Variants in KIAA1328 observed in about 807,000 individuals in gnomAD.
KIAA1328 encodes KIAA1328.
Under a neutral mutation model 68.1 loss-of-function variants are expected in KIAA1328, and 52 were observed. The ratio of observed to expected loss-of-function variants is 0.76; its 90% CI spans 0.61 to 0.96. KIAA1328 has a LOEUF of 0.96. Among genes scored for constraint, KIAA1328 ranks in the 40% least tolerant of loss-of-function variants. KIAA1328 has a pLI of 0.00. For synonymous variants in KIAA1328, 232 were observed against 239.4 expected, an observed-to-expected ratio of 0.97 and a Z score of 0.28; for missense variants, 641 against 677.6, an observed-to-expected ratio of 0.95 and a Z score of 0.60.
chr18:37,156,463 G>A (rs1049964733), intron 7 of KIAA1328, among the ~76,000 whole-genome samples: 6 of 147,110 alleles, frequency 4.1e-5, no homozygotes, highest in African/African-American at 1.3e-4. Context: ...GAATGGGAAC[G>A]AGGGCTTTCT....
At chr18:37,076,753 C>T (rs928877384) in intron 7 of KIAA1328, among the ~76,000 whole-genome samples, 10 of 151,944 alleles carry the variant, frequency 6.6e-5, no homozygotes, top group East Asian at 1.9e-4. Context: ...ATAAATTCCT[C>T]GACACATACA....
chr18:37,002,228 CTTTTTTTTTTTT>C (rs145948250), intron 6 of KIAA1328, among the ~76,000 whole-genome samples: 1 of 95,164 alleles, frequency 1.1e-5, no homozygotes, highest in Non-Finnish European at 2.1e-5. Context: ...ATTTTTTTTT[CTTTTTTTTTTTT>C]TTTTTTTTGA....
At chr18:37,158,359 T>G (rs982603738) in intron 7 of KIAA1328, among the ~76,000 whole-genome samples, 1 of 152,148 alleles carries the variant, frequency 6.6e-6, no homozygotes, top group East Asian at 1.9e-4. Flanking sequence ...TGATACCCAT[T>G]TGTGGTTCCT....
intron 3 of KIAA1328, among the ~76,000 whole-genome samples, chr18:36,843,628 A>C (rs527599270): frequency 3.2e-4 from 49 of 152,290 alleles, no homozygotes; most frequent in Non-Finnish European, 6.0e-4. Flanking sequence ...ATGTACCCTT[A>C]AAGTAGAATA....
intron 6 of KIAA1328, among the ~76,000 whole-genome samples, chr18:36,967,257 G>T (rs2051979494): frequency 6.6e-6 from 1 of 152,198 alleles, no homozygotes; most frequent in Non-Finnish European, 1.5e-5. Flanking sequence ...CTTTAAAGAT[G>T]AATGGGGCTC....
intron 4 of KIAA1328, among the ~76,000 whole-genome samples, chr18:36,860,158 GT>G (rs1296355660): frequency 6.6e-6 from 1 of 152,004 alleles, no homozygotes; most frequent in Non-Finnish European, 1.5e-5. Context: ...GATTTTACTA[GT>G]TTGAAAAAAT....
chr18:37,043,099 A>T (rs2055323830), intron 6 of KIAA1328, among the ~76,000 whole-genome samples: 2 of 152,244 alleles, frequency 1.3e-5, no homozygotes, highest in African/African-American at 4.8e-5. Flanking sequence ...GTAAAAAAAA[A>T]TTCTCTCTCT....
intron 4 of KIAA1328, among the ~76,000 whole-genome samples, chr18:36,882,654 C>G (rs935956544): frequency 1.3e-5 from 2 of 152,094 alleles, no homozygotes; most frequent in Non-Finnish European, 2.9e-5. Context: ...AAAGAAAAAG[C>G]CCTGCTTAAT....
intron 5 of KIAA1328, among the ~76,000 whole-genome samples, chr18:36,938,823 C>A (rs528736973): frequency 3.9e-5 from 6 of 152,284 alleles, no homozygotes; most frequent in African/African-American, 1.4e-4. Context: ...ATTCCCAATA[C>A]CATTTATCGA....
At chr18:36,841,303 G>C (rs1451804449) in intron 3 of KIAA1328, among the ~76,000 whole-genome samples, 1 of 151,780 alleles carries the variant, frequency 6.6e-6, no homozygotes, top group East Asian at 2.0e-4. Context: ...GAAGTAATAT[G>C]CACATGTAGT....
rs916714850 is a variant in KIAA1328 at position 36,844,057 on chromosome 18, T to C, written c.238-151T>C. The C allele has an allele frequency of 7.5e-6, 4 of 530,288 alleles. No individual in the cohort carries two copies. In the African/African-American group the frequency reaches 7.9e-5, roughly 10 times the overall value. 32.8% of individuals were successfully genotyped at this position (530,288 alleles called of 1,614,324 possible). The stretch of plus-strand genomic sequence containing the variant: ...GTGGACAGTCAGTTCCTTAGCCTGT[T>C]TTTAGTTCACAGTAGGTTTAAATTG... On this transcript the variant is annotated intron_variant, in intron 3 of 9. Transcript: ENST00000280020.
At chr18:36,873,448 A>G (rs1020635009) in intron 4 of KIAA1328, among the ~76,000 whole-genome samples, 1 of 152,182 alleles carries the variant, frequency 6.6e-6, no homozygotes, top group Admixed American at 6.5e-5. Flanking sequence ...GAGCAAGAGT[A>G]AACAAGACAG....
chr18:36,866,115 A>G (rs534832665), intron 4 of KIAA1328, among the ~76,000 whole-genome samples: 1 of 151,406 alleles, frequency 6.6e-6, no homozygotes, highest in African/African-American at 2.4e-5. Context: ...CCCACTACCA[A>G]CTCCTGCATA....
At position 37,223,664 on chromosome 18, in the gene KIAA1328, G is replaced by A. The variant is rs528473045; in HGVS notation, c.*1437G>A. The A allele has an allele frequency of 2.7e-4, 266 of 985,318 alleles. No homozygotes were observed. The highest frequency in any genetic ancestry group is 5.2e-4 in the Middle Eastern group (1 of 1,914). The allele number at this position is 985,318 out of a possible 1,614,324, so 61.0% of individuals were successfully genotyped here. Reference sequence around the variant, plus strand: ...CCACCCAGGGCAGCCTGCATGCAGCGAGTCTGCGTGGCTTCCCTGAATTAC... The same window carrying A: ...CCACCCAGGGCAGCCTGCATGCAGCAAGTCTGCGTGGCTTCCCTGAATTAC... On this transcript the variant is annotated 3_prime_UTR_variant, in exon 10 of 10. Coordinates refer to ENST00000280020, the MANE Select transcript of KIAA1328 (RefSeq NM_020776.3).
intron 6 of KIAA1328, among the ~76,000 whole-genome samples, chr18:37,036,330 A>G (rs921835021): frequency 3.9e-5 from 6 of 152,214 alleles, no homozygotes; most frequent in Non-Finnish European, 7.3e-5. Flanking sequence ...CAAAGTAATT[A>G]AAAACAGACT....
At chr18:37,036,878 A>C (rs1049216997) in intron 6 of KIAA1328, among the ~76,000 whole-genome samples, 1 of 152,206 alleles carries the variant, frequency 6.6e-6, no homozygotes, top group African/African-American at 2.4e-5. Flanking sequence ...GCTGTTGCAA[A>C]TAACAAAATA....
chr18:37,016,817 C>T (rs2054169104), intron 6 of KIAA1328, among the ~76,000 whole-genome samples: 1 of 152,002 alleles, frequency 6.6e-6, no homozygotes, highest in African/African-American at 2.4e-5. Context: ...GTGATGTCAC[C>T]TTTGTTGGTT....
chr18:37,181,043 T>C (rs2059689998), intron 9 of KIAA1328, among the ~76,000 whole-genome samples: 1 of 152,182 alleles, frequency 6.6e-6, no homozygotes, highest in African/African-American at 2.4e-5. Context: ...TTATTCCCAT[T>C]TTTCCAAAAT....
intron 9 of KIAA1328, among the ~76,000 whole-genome samples, chr18:37,192,188 T>C (rs929017373): frequency 1.3e-5 from 2 of 151,950 alleles, no homozygotes; most frequent in African/African-American, 4.8e-5. Flanking sequence ...TGTGTGTATG[T>C]GTGTTGCGTG....
Sources: gnomAD v4.1 joint callset for allele counts (sites outside exome capture counted in the v4.1 genomes callset) on GRCh38, gnomAD v4.1.1 for gene constraint, MANE v1.5 for transcripts, NCBI Gene and HGNC (gene_info 2026-07-23, HGNC 2026-07-21) for gene names.